COMMD1: variants seen among roughly 807,000 people sequenced by gnomAD.
The protein encoded by COMMD1 is copper metabolism domain containing 1.
A neutral mutation model predicts 17.2 loss-of-function variants in COMMD1; 10 were observed. That is an observed-to-expected ratio of 0.58 (90% CI 0.36 to 0.99). The LOEUF is 0.99. Among genes scored for constraint, COMMD1 ranks in the 50% least tolerant of loss-of-function variants. The pLI, the probability that COMMD1 is intolerant of heterozygous loss-of-function variation, is 0.01. For synonymous variants in COMMD1, 97 were observed against 91.6 expected, an observed-to-expected ratio of 1.06 and a Z score of -0.34; for missense variants, 270 against 231.8, an observed-to-expected ratio of 1.17 and a Z score of -1.07.
intron 2 of COMMD1, among the ~76,000 whole-genome samples, chr2:62,103,284 T>C (rs1301089590): frequency 6.6e-6 from 1 of 152,170 alleles, no homozygotes; most frequent in Admixed American, 6.5e-5. Context: ...CCTCCAATCG[T>C]ATTTCTATAC....
At chr2:62,077,374 T>G (rs1046281577) in intron 2 of COMMD1, among the ~76,000 whole-genome samples, 3 of 152,344 alleles carry the variant, frequency 2.0e-5, no homozygotes, top group East Asian at 1.9e-4. Context: ...ATTAGTTGCC[T>G]CCTTCTATTT....
intron 1 of COMMD1, among the ~76,000 whole-genome samples, chr2:61,954,133 C>T (rs1387367708): frequency 1.3e-5 from 2 of 151,854 alleles, no homozygotes. Flanking sequence ...CACTTGAACC[C>T]GGGAGGCAGA....
At chr2:62,061,554 C>CT (rs57638195) in intron 2 of COMMD1, among the ~76,000 whole-genome samples, 1,585 of 131,464 alleles carry the variant, frequency 0.012, 20 homozygotes, top group East Asian at 0.022. Flanking sequence ...TCTTTCTTTT[C>CT]TTTTTTTTTT....
At chr2:61,927,389 T>TTTTG (rs762507138) in intron 1 of COMMD1, among the ~76,000 whole-genome samples, 2 of 152,112 alleles carry the variant, frequency 1.3e-5, no homozygotes, top group Non-Finnish European at 2.9e-5. Flanking sequence ...TGACTCCATT[T>TTTTG]TTTGTTTGTT....
At chr2:62,120,404 T>C (rs924212334) in intron 2 of COMMD1, among the ~76,000 whole-genome samples, 2 of 152,088 alleles carry the variant, frequency 1.3e-5, no homozygotes, top group African/African-American at 4.8e-5. Context: ...GCAAATGGAA[T>C]GAACCTCATC....
At chr2:61,895,324 C>T (rs1669529905) in intron 1 of COMMD1, among the ~76,000 whole-genome samples, 1 of 152,168 alleles carries the variant, frequency 6.6e-6, no homozygotes, top group East Asian at 1.9e-4. Flanking sequence ...ACTTGTGGAG[C>T]CCAAGATCCA....
At chr2:62,094,774 G>A (rs755404302) in intron 2 of COMMD1, among the ~76,000 whole-genome samples, 4 of 152,118 alleles carry the variant, frequency 2.6e-5, no homozygotes, top group Non-Finnish European at 4.4e-5. Flanking sequence ...AAGGAAAAGT[G>A]GAAAAATGAT....
chr2:62,075,148 C>CA (rs762180098), intron 2 of COMMD1, among the ~76,000 whole-genome samples: 8 of 152,024 alleles, frequency 5.3e-5, no homozygotes, highest in Admixed American at 4.6e-4. Flanking sequence ...CTCGGCCTCC[C>CA]AAAGTGCCAG....
At chr2:61,941,266 G>T (rs189496453) in intron 1 of COMMD1, among the ~76,000 whole-genome samples, 54 of 152,118 alleles carry the variant, frequency 3.5e-4, no homozygotes, top group African/African-American at 1.3e-3. Flanking sequence ...GACCTTAGGT[G>T]ATCCACCCGC....
intron 2 of COMMD1, among the ~76,000 whole-genome samples, chr2:62,007,308 A>G (rs1669149693): frequency 6.6e-6 from 1 of 152,112 alleles, no homozygotes; most frequent in African/African-American, 2.4e-5. Flanking sequence ...AAGCAATTAG[A>G]TGAGGGGGAT....
intron 1 of COMMD1, among the ~76,000 whole-genome samples, chr2:61,977,015 G>A (rs552679008): frequency 6.6e-6 from 1 of 151,646 alleles, no homozygotes; most frequent in African/African-American, 2.4e-5. Flanking sequence ...GTAGAGATGG[G>A]GTTTCACCAT....
chr2:62,058,312 A>G (rs1670766885), intron 2 of COMMD1, among the ~76,000 whole-genome samples: 1 of 152,184 alleles, frequency 6.6e-6, no homozygotes, highest in African/African-American at 2.4e-5. Context: ...TACTGTGAGA[A>G]GGATGTTAGT....
chr2:61,944,450 CA>C (rs539145447), intron 1 of COMMD1, among the ~76,000 whole-genome samples: 28 of 148,736 alleles, frequency 1.9e-4, no homozygotes, highest in Admixed American at 3.4e-4. Context: ...GACTCTGTCT[CA>C]AAAAAAAAGA....
In COMMD1 at chr2:62,120,802, T is replaced by C. The variant is rs1672721410; in HGVS notation, c.463-15029T>C. 2.0e-5 allele frequency among the ~76,000 whole-genome samples: 3 copies of C among 152,190 alleles called. No homozygotes were observed. The South Asian group carries it at 6.2e-4, about 31-fold the overall frequency. ...GTGCAGTGGCGCAAACACAGCTCAC[T>C]GCAGTCTTGACCTGTGCTCAAGCAG... On this transcript the variant is annotated intron_variant, in intron 2 of 2. Transcript: ENST00000311832.
Position 61,905,739 on chromosome 2 carries a change from C to G in COMMD1, c.61C>G (p.Gln21Glu). ...GAGCGGGCTGCTGAATGCGCTGGCC[C>G]AGGACACTTTCCACGGGTACCCCGG... Reference protein sequence around the residue: ...PLSGLLNALAQDTFHGYPGIT... With the variant: ...PLSGLLNALAEDTFHGYPGIT... Residue 21 changes from glutamine to glutamate, a missense_variant, in exon 1 of 3, where the codon CAG (glutamine) becomes GAG (glutamate). Coordinates refer to ENST00000311832, the MANE Select transcript of COMMD1 (RefSeq NM_152516.4). The G allele has an allele frequency of 6.2e-7, 1 of 1,613,452 alleles. No individual in the cohort carries two copies. Among genetic ancestry groups the G allele is most frequent in the African/African-American group, 1.3e-5 (1 of 75,056 alleles).
chr2:61,925,223 G>A (rs1426623352), intron 1 of COMMD1, among the ~76,000 whole-genome samples: 1 of 151,930 alleles, frequency 6.6e-6, no homozygotes, highest in African/African-American at 2.4e-5. Flanking sequence ...GTGAGTCCCG[G>A]CCAGAGTCTG....
chr2:61,940,288 T>A (rs1221156664), intron 1 of COMMD1, among the ~76,000 whole-genome samples: 1 of 152,242 alleles, frequency 6.6e-6, no homozygotes, highest in Non-Finnish European at 1.5e-5. Flanking sequence ...CCTTCAGTTT[T>A]ATAGTACTAG....
chr2:62,132,032 G>A (rs917809568), intron 2 of COMMD1, among the ~76,000 whole-genome samples: 7 of 152,002 alleles, frequency 4.6e-5, no homozygotes, highest in Admixed American at 4.6e-4. Context: ...GGGATTACAG[G>A]TGCCCACCAC....
rs192926511 is a variant in COMMD1, at chr2:61,977,599, A to G, written c.181-23102A>G. On this transcript the variant is annotated intron_variant, in intron 1 of 2. Transcript: ENST00000311832. ...ACCCAATTGTTTCTAAAGGTATTCT[A>G]TGGTTTCTTTTTTGTAGAAGTATTT... Among the ~76,000 whole-genome samples the G allele has an allele frequency of 1.4e-4, 22 of 152,110 alleles. No homozygotes were observed. The East Asian group carries it at 1.5e-3, about 11-fold the overall frequency.
Sources: gnomAD v4.1 joint callset for allele counts (sites outside exome capture counted in the v4.1 genomes callset) on GRCh38, gnomAD v4.1.1 for gene constraint, MANE v1.5 for transcripts, NCBI Gene and HGNC (gene_info 2026-07-23, HGNC 2026-07-21) for gene names.